The following LAMC1 variants were observed in gnomAD, a reference collection of about 807,000 sequenced individuals.
The protein encoded by LAMC1 is laminin subunit gamma 1.
LAMC1 carries 38 observed loss-of-function variants against 173.6 expected under a neutral mutation model. That is an observed-to-expected ratio of 0.22 (90% confidence interval 0.17 to 0.29). The LOEUF (loss-of-function observed/expected upper bound fraction) is 0.29. Ranked by LOEUF, LAMC1 falls within the 10% of genes least tolerant of loss-of-function variation. LAMC1 has a pLI of 1.00. For synonymous variants in LAMC1, 746 were observed against 749.1 expected (o/e 1.00, Z 0.07); for missense variants, 1,824 against 2,051.8 (o/e 0.89, Z 2.14).
At chr1:183,132,251 C>G (rs1656815417) in intron 20 of LAMC1, 149 bp from the exon 21 acceptor site, 1 of 520,496 alleles carries the variant, frequency 1.9e-6, no homozygotes, top group East Asian at 3.5e-5. Flanking sequence ...AAGATCACGC[C>G]ACTGCACACC....
intron 1 of LAMC1, among the ~76,000 whole-genome samples, chr1:183,058,840 A>G (rs1412587659): frequency 6.6e-6 from 1 of 152,228 alleles, no homozygotes; most frequent in African/African-American, 2.4e-5. Context: ...ACAAAAAGCC[A>G]CCAACAAAAA....
rs751220972 is a variant in LAMC1 at position 183,115,549 on chromosome 1, G to A, written c.1240G>A (p.Gly414Ser). Residue 414 changes from glycine (G) to serine (S), a missense_variant, in exon 6 of 28, where the codon GGC becomes AGC. Transcript: ENST00000258341. ...TCTAAGCACACAGTGTGATAGTTAC[G>A]GCAGATGCAGCTGTAAGCCAGGAGT... ...GSLSTQCDSY[G>S]RCSCKPGVMG... 20 of 1,613,812 alleles carry A rather than the reference G, an allele frequency of 1.2e-5. No homozygotes were observed. Among genetic ancestry groups the A allele is most frequent in the Non-Finnish European group, 1.5e-5 (18 of 1,179,872 alleles).
chr1:183,121,182 G>T (rs1367396514), intron 11 of LAMC1, among the ~76,000 whole-genome samples: 2 of 152,112 alleles, frequency 1.3e-5, no homozygotes, highest in African/African-American at 4.8e-5. Flanking sequence ...ACTTTGGGAG[G>T]CCAAGGTGGG....
Position 183,117,534 on chromosome 1 carries a change from C to A in LAMC1, c.1688C>A (p.Ala563Glu). The change falls in exon 10 of 28, where the codon GCA (alanine) becomes GAA (glutamate). Residue 563 changes from alanine (A) to glutamate (E), a missense_variant and splice_region_variant. Coordinates refer to ENST00000258341, the MANE Select transcript of LAMC1 (RefSeq NM_002293.4). ...GCCCACCATTGTGTCTGTATTCCAG[C>A]AAAGTTCTTGGGCAAGCAGGTGTTG... ...SYFPRYFIAP[A>E]KFLGKQVLSY... 1 of 1,613,642 alleles carries A rather than the reference C, an allele frequency of 6.2e-7. No individual in the cohort carries two copies. Among genetic ancestry groups the A allele is most frequent in the Non-Finnish European group, 8.5e-7 (1 of 1,179,628 alleles).
intron 18 of LAMC1, among the ~76,000 whole-genome samples, chr1:183,129,252 T>A (rs34105373): frequency 1.5e-4 from 22 of 148,668 alleles, no homozygotes; most frequent in Non-Finnish European, 3.1e-4. Flanking sequence ...ATGCCCGGGG[T>A]AATTTTTTTG....
Position 183,085,252 on chromosome 1 carries a change from T to A in LAMC1, c.419-18076T>A, listed in dbSNP as rs557899358. On this transcript the variant is annotated intron_variant, in intron 1 of 27. Transcript: ENST00000258341. ...AAAAAAAGTTTATGAAATCATCCAT[T>A]TGGGCTCAGTTTTTGCTGTTTGTAC... Among the ~76,000 whole-genome samples the A allele has an allele frequency of 7.2e-4, 109 of 152,226 alleles. 3 individuals carry two copies. The South Asian group carries it at 0.016, about 23-fold the overall frequency.
At chr1:183,078,922 G>GAGGC (rs1214884080) in intron 1 of LAMC1, among the ~76,000 whole-genome samples, 1 of 152,140 alleles carries the variant, frequency 6.6e-6, no homozygotes, top group Non-Finnish European at 1.5e-5. Context: ...TTGAACCCAG[G>GAGGC]AGGCAGAGTT....
intron 25 of LAMC1, among the ~76,000 whole-genome samples, chr1:183,136,965 C>T (rs1000348860): frequency 2.0e-5 from 3 of 152,124 alleles, no homozygotes; most frequent in Admixed American, 2.0e-4. Context: ...CTTTCAAGTC[C>T]CCCTTTCAAG....
chr1:183,130,415 C>T lies in LAMC1; in HGVS notation c.3352C>T (p.Gln1118Ter). 6.2e-7 allele frequency: 1 copy of T among 1,614,184 alleles called. No homozygotes were observed. Among genetic ancestry groups the T allele is most frequent in the Non-Finnish European group, 8.5e-7 (1 of 1,180,010 alleles). ...TCTGTCCAGCCAAATTAGCCGTTTA[C>T]AGAATATCCGGAATACCATTGAAGA... ...NTLSSQISRL[Q>*]NIRNTIEETG... Residue 1118 changes from glutamine (Q) to a stop codon, truncating the protein, a stop_gained, in exon 19 of 28, where the codon CAG becomes TAG. Coordinates refer to ENST00000258341, the MANE Select transcript of LAMC1 (RefSeq NM_002293.4). LOFTEE classifies it high-confidence loss of function.
At chr1:183,097,260 C>T (rs993142851) in intron 1 of LAMC1, among the ~76,000 whole-genome samples, 1 of 152,196 alleles carries the variant, frequency 6.6e-6, no homozygotes, top group African/African-American at 2.4e-5. Flanking sequence ...AGCCTAAACA[C>T]ACCCCATCTC....
chr1:183,112,670 C>T (rs930830017), intron 4 of LAMC1, among the ~76,000 whole-genome samples: 2 of 151,942 alleles, frequency 1.3e-5, no homozygotes, highest in South Asian at 2.1e-4. Context: ...TCTGCTTTAC[C>T]GTCTCAGAAC....
In LAMC1 at chr1:183,050,891, C is replaced by CAAA. The variant is rs779377179; in HGVS notation, c.418+26775_418+26777dup. 3.6e-3 allele frequency among the ~76,000 whole-genome samples: 195 copies of CAAA among 54,632 alleles called. 3 individuals carry two copies. Among genetic ancestry groups the CAAA allele is most frequent in the African/African-American group, 7.9e-3 (123 of 15,574 alleles). 35.8% of individuals were successfully genotyped at this position (54,632 alleles called of 152,430 possible). On this transcript the variant is annotated intron_variant, in intron 1 of 27. Coordinates refer to ENST00000258341, the MANE Select transcript of LAMC1 (RefSeq NM_002293.4). Reference sequence around the variant, plus strand: ...GGGCAACAGGAGTGAAACTCCATCTCAAAAAAAAAAAAAAAAAAAAGAATT... The same window carrying CAAA: ...GGGCAACAGGAGTGAAACTCCATCTCAAAAAAAAAAAAAAAAAAAAAAAGAATT...
intron 25 of LAMC1, among the ~76,000 whole-genome samples, chr1:183,137,324 AAT>A (rs1432045703): frequency 1.3e-5 from 2 of 152,206 alleles, no homozygotes; most frequent in Non-Finnish European, 2.9e-5. Context: ...GCATCTAATC[AAT>A]ATGATGTCGT....
intron 13 of LAMC1, among the ~76,000 whole-genome samples, chr1:183,123,563 TCTC>T (rs1178465737): frequency 5.9e-5 from 9 of 152,354 alleles, no homozygotes; most frequent in African/African-American, 2.2e-4. Flanking sequence ...GCTGGTCTCT[TCTC>T]TGTCTTTCCA....
At chr1:183,075,936 T>C (rs73051768) in intron 1 of LAMC1, among the ~76,000 whole-genome samples, 17,828 of 152,254 alleles carry the variant, frequency 0.12, 1,179 homozygotes, top group Admixed American at 0.2. Flanking sequence ...TTCAGCCACC[T>C]CCTTTGTGGA....
At chr1:183,053,880 C>T (rs1654507178) in intron 1 of LAMC1, among the ~76,000 whole-genome samples, 1 of 152,192 alleles carries the variant, frequency 6.6e-6, no homozygotes, top group Admixed American at 6.5e-5. Context: ...CCCGCCTCGG[C>T]CTCCCAAAGT....
intron 1 of LAMC1, among the ~76,000 whole-genome samples, chr1:183,039,920 G>A (rs1373295854): frequency 6.6e-6 from 1 of 152,164 alleles, no homozygotes; most frequent in East Asian, 1.9e-4. Flanking sequence ...TTTGGATTGG[G>A]AAATAGAATA....
chr1:183,077,432 G>T (rs942304165), intron 1 of LAMC1, among the ~76,000 whole-genome samples: 1 of 151,896 alleles, frequency 6.6e-6, no homozygotes, highest in Admixed American at 6.6e-5. Flanking sequence ...TTTTCCATAG[G>T]TTATTGGGGT....
chr1:183,045,959 T>G (rs1222262898), intron 1 of LAMC1, among the ~76,000 whole-genome samples: 1 of 152,114 alleles, frequency 6.6e-6, no homozygotes, highest in Non-Finnish European at 1.5e-5. Context: ...TTCTTTCCCT[T>G]ATTGATTTGT....
Sources: allele counts gnomAD v4.1 joint callset (sites outside exome capture counted in the v4.1 genomes callset), GRCh38; gene constraint gnomAD v4.1.1; transcripts MANE v1.5; gene names NCBI Gene and HGNC (gene_info 2026-07-23, HGNC 2026-07-21).